Variants in TBX18 observed in about 807,000 individuals in gnomAD.
TBX18 encodes the protein T-box transcription factor 18.
Under a neutral mutation model 55.0 loss-of-function variants are expected in TBX18, and 21 were observed. That is an observed-to-expected ratio of 0.38 (90% confidence interval 0.27 to 0.55). The LOEUF (loss-of-function observed/expected upper bound fraction) is 0.55. TBX18 is among the 20% of genes least tolerant of loss of function. The probability of loss-of-function intolerance (pLI) is 0.73; values close to 1 mark genes in which losing one functional copy is unlikely to be tolerated. For missense variants in TBX18, 840 were observed against 799.6 expected, an observed-to-expected ratio of 1.05 and a Z score of -0.61; for synonymous variants, 342 against 326.1, an observed-to-expected ratio of 1.05 and a Z score of -0.53.
chr6:84,756,263 G>A (rs1420251830), intron 4 of TBX18, among the ~76,000 whole-genome samples: 1 of 152,184 alleles, frequency 6.6e-6, no homozygotes, highest in Non-Finnish European at 1.5e-5. Flanking sequence ...ACTTGCAGAT[G>A]GAACACACAA....
chr6:84,749,763 T>A (rs1312890524), intron 4 of TBX18, among the ~76,000 whole-genome samples: 1 of 151,694 alleles, frequency 6.6e-6, no homozygotes, highest in Non-Finnish European at 1.5e-5. Context: ...GAAATCAACA[T>A]GAAGGGTTGC....
chr6:84,736,822 T>C lies in TBX18; in HGVS notation c.1687A>G (p.Met563Val), dbSNP rs746137712. The change falls in exon 8 of 8, where the codon ATG becomes GTG. Residue 563 changes from methionine to valine, a missense_variant. By Grantham distance (21) the Met-to-Val change is conservative (BLOSUM62 1). Coordinates refer to ENST00000369663, the MANE Select transcript of TBX18 (RefSeq NM_001080508.3). ...SFLGSSPSGT[M>V]TDRQMLPPVE... ...GGGGGCAACATCTGCCGATCCGTCA[T>C]GGTCCCACTCGGTGAGGACCCCAAG... The C allele has an allele frequency of 1.7e-5, 28 of 1,614,140 alleles. No individual in the cohort carries two copies. The highest frequency in any genetic ancestry group is 2.4e-5 in the Non-Finnish European group (28 of 1,180,014).
intron 5 of TBX18, among the ~76,000 whole-genome samples, chr6:84,746,334 C>CA (rs1263780147): frequency 1.3e-5 from 2 of 149,666 alleles, no homozygotes; most frequent in African/African-American, 4.9e-5. Context: ...CTTTTTCTCC[C>CA]AAAAAATCGT....
rs1766879218 is a variant in TBX18, at chr6:84,736,869, A to G, written c.1640T>C (p.Ile547Thr). Residue 547 changes from isoleucine (I) to threonine (T), a missense_variant, in exon 8 of 8, where the codon ATT (isoleucine) becomes ACT (threonine). By Grantham distance (89) the Ile-to-Thr change is moderately conservative. Coordinates refer to ENST00000369663, the MANE Select transcript of TBX18 (RefSeq NM_001080508.3). Reference protein sequence around the residue: ...SPKLAASPEKIVSSQGSFLGS... With the variant: ...SPKLAASPEKTVSSQGSFLGS... The stretch of plus-strand genomic sequence containing the variant: ...CAAGAAACTTCCTTGGGAAGAAACA[A>G]TTTTCTCAGGACTGGCAGCCAGTTT... The G allele has an allele frequency of 1.2e-6, 2 of 1,613,350 alleles. No individual in the cohort carries two copies. Among genetic ancestry groups the G allele is most frequent in the Non-Finnish European group, 1.7e-6 (2 of 1,179,812 alleles).
At chr6:84,740,981 C>G (rs1562257615) in intron 6 of TBX18, 1 of 152,148 alleles carries the variant, frequency 6.6e-6, no homozygotes, top group South Asian at 2.1e-4. Flanking sequence ...TTGATCATCA[C>G]AAATATATAA....
Position 84,760,320 on chromosome 6 carries a change from T to C in TBX18, c.534A>G (p.Gly178=), listed in dbSNP as rs765822439. ...MFPAMRVKIS[G]LDPHQQYYIA... ...TGTAATATTGCTGGTGAGGATCTAA[T>C]CCAGAGATCTTCACTCTCATTGCTG... The change falls in exon 3 of 8, where the codon GGA becomes GGG. Residue 178 remains glycine (G), a synonymous_variant. Transcript: ENST00000369663. 6.2e-7 allele frequency: 1 copy of C among 1,606,352 alleles called. No homozygotes were observed. Among genetic ancestry groups the C allele is most frequent in the South Asian group, 1.1e-5 (1 of 89,816 alleles).
chr6:84,750,263 G>A (rs1767310642), intron 4 of TBX18, among the ~76,000 whole-genome samples: 1 of 141,734 alleles, frequency 7.1e-6, no homozygotes, highest in African/African-American at 2.7e-5. Flanking sequence ...CCAGCCTGGT[G>A]ACAGAGCGAG....
rs1018961797 is a variant in TBX18, at chr6:84,732,748, T to C, written c.*3937A>G. On this transcript the variant is annotated 3_prime_UTR_variant, in exon 8 of 8. Transcript: ENST00000369663. ...CTAAAGCACAGTTCCATTTAAAGGA[T>C]AAATTTCACATAATTCAACAAGTTG... is the stretch of plus-strand genomic sequence containing the variant. 8 of 152,110 alleles carry C rather than the reference T, an allele frequency of 5.3e-5. No homozygotes were observed. In the East Asian group the frequency reaches 9.7e-4, roughly 18 times the overall value. The allele number at this position is 152,110 out of a possible 1,614,324, so 9.4% of individuals were successfully genotyped here.
intron 3 of TBX18, among the ~76,000 whole-genome samples, chr6:84,759,263 G>A (rs538211743): frequency 5.3e-5 from 8 of 150,978 alleles, no homozygotes; most frequent in African/African-American, 1.9e-4. Context: ...ATATGTCCAT[G>A]TACTAACTAA....
At chr6:84,750,074 A>G (rs1767303569) in intron 4 of TBX18, among the ~76,000 whole-genome samples, 2 of 152,256 alleles carry the variant, frequency 1.3e-5, no homozygotes, top group African/African-American at 4.8e-5. Flanking sequence ...TCACAAGGTC[A>G]AGAGATCTAG....
chr6:84,749,477 T>A (rs1767282667), intron 4 of TBX18, among the ~76,000 whole-genome samples: 1 of 119,428 alleles, frequency 8.4e-6, no homozygotes, highest in African/African-American at 3.0e-5. Flanking sequence ...GTGGCTAAGA[T>A]TTTTTTTTTC....
chr6:84,747,015 T>G (rs1317490011), intron 5 of TBX18, among the ~76,000 whole-genome samples: 1 of 152,134 alleles, frequency 6.6e-6, no homozygotes, highest in African/African-American at 2.4e-5. Flanking sequence ...TAAGAGCTAT[T>G]GAGCCTCTCA....
Position 84,738,533 on chromosome 6 carries a change from G to C in TBX18, c.1063C>G (p.Leu355Val). The C allele has an allele frequency of 6.2e-7, 1 of 1,614,132 alleles. No individual in the cohort carries two copies. Among genetic ancestry groups the C allele is most frequent in the Non-Finnish European group, 8.5e-7 (1 of 1,180,020 alleles). Residue 355 changes from leucine (L) to valine (V), a missense_variant, in exon 7 of 8, where the codon CTG becomes GTG. Transcript: ENST00000369663. ...ATTCCAGGGATATCTTCAAAGGTCAGAGTCCGTAGTGATGGTCGCCAGAAT... is the reference window on the plus strand; with the variant it reads ...ATTCCAGGGATATCTTCAAAGGTCACAGTCCGTAGTGATGGTCGCCAGAAT... ...YAFWRPSLRT[L>V]TFEDIPGIPK...
At position 84,732,736 on chromosome 6, in the gene TBX18, C is replaced by T. The variant is rs1481400082; in HGVS notation, c.*3949G>A. On this transcript the variant is annotated 3_prime_UTR_variant, in exon 8 of 8. Transcript: ENST00000369663. Reference sequence around the variant, plus strand: ...TATCCTGTAAAACTAAAGCACAGTTCCATTTAAAGGATAAATTTCACATAA... The same window carrying T: ...TATCCTGTAAAACTAAAGCACAGTTTCATTTAAAGGATAAATTTCACATAA... 2.0e-5 allele frequency: 3 copies of T among 151,756 alleles called. No homozygotes were observed. The highest frequency in any genetic ancestry group is 4.4e-5 in the Non-Finnish European group (3 of 67,940). 9.4% of individuals were successfully genotyped at this position (151,756 alleles called of 1,614,324 possible).
intron 5 of TBX18, among the ~76,000 whole-genome samples, chr6:84,747,715 C>T (rs1006634752): frequency 1.3e-5 from 2 of 152,124 alleles, no homozygotes; most frequent in East Asian, 3.9e-4. Flanking sequence ...AGTCACAAGA[C>T]ATGGTTTGTC....
At position 84,760,333 on chromosome 6, in the gene TBX18, A is replaced by T; in HGVS notation, c.521T>A (p.Val174Glu). 1 of 1,604,204 alleles carries T rather than the reference A, an allele frequency of 6.2e-7. No individual in the cohort carries two copies. Among genetic ancestry groups the T allele is most frequent in the Non-Finnish European group, 8.5e-7 (1 of 1,174,388 alleles). ...AGRRMFPAMR[V>E]KISGLDPHQQ... Reference sequence around the variant, plus strand: ...GTGAGGATCTAATCCAGAGATCTTCACTCTCATTGCTGGAAACATGCGCCT... The same window carrying T: ...GTGAGGATCTAATCCAGAGATCTTCTCTCTCATTGCTGGAAACATGCGCCT... The change falls in exon 3 of 8, where the codon GTG (valine) becomes GAG (glutamate). Residue 174 changes from valine (V) to glutamate (E), a missense_variant. By Grantham distance (121) the Val-to-Glu change is moderately radical. Transcript: ENST00000369663.
intron 4 of TBX18, among the ~76,000 whole-genome samples, chr6:84,756,372 C>T (rs1315084796): frequency 6.6e-6 from 1 of 152,198 alleles, no homozygotes; most frequent in Admixed American, 6.5e-5. Flanking sequence ...ATTAACCCAA[C>T]TCCAAAGTAT....
At chr6:84,744,999 T>C (rs1423985337) in intron 5 of TBX18, among the ~76,000 whole-genome samples, 1 of 152,156 alleles carries the variant, frequency 6.6e-6, no homozygotes, top group Non-Finnish European at 1.5e-5. Flanking sequence ...AATCTCATAC[T>C]AAATGGAGTA....
chr6:84,763,590 C>A, intron 1 of TBX18: 1 of 633,794 alleles, frequency 1.6e-6, no homozygotes, highest in Non-Finnish European at 2.8e-6. Flanking sequence ...GGCTGGAACC[C>A]CAAGGGAGGC....
Sources: gnomAD v4.1 joint callset for allele counts (sites outside exome capture counted in the v4.1 genomes callset) on GRCh38, gnomAD v4.1.1 for gene constraint, MANE v1.5 for transcripts, NCBI Gene and HGNC (gene_info 2026-07-23, HGNC 2026-07-21) for gene names.